GAREM1: variants seen among roughly 807,000 people sequenced by gnomAD.
GAREM1 encodes GRB2-associated and regulator of MAPK protein 1.
In GAREM1, 26 loss-of-function variants were observed where a neutral mutation model predicts 71.3. The ratio of observed to expected loss-of-function variants is 0.36; its 90% CI spans 0.27 to 0.51. The LOEUF (loss-of-function observed/expected upper bound fraction) is 0.51, where lower values mean the gene tolerates loss of function less well. Among genes scored for constraint, GAREM1 ranks in the 20% least tolerant of loss-of-function variants. The probability of loss-of-function intolerance (pLI) is 0.95; values close to 1 mark genes in which losing one functional copy is unlikely to be tolerated. For synonymous variants in GAREM1, 440 were observed against 433.2 expected (o/e 1.02, Z -0.20); for missense variants, 1,026 against 1,103.1 (o/e 0.93, Z 0.99).
At chr18:32,363,771 A>C (rs2047889652) in intron 2 of GAREM1, among the ~76,000 whole-genome samples, 1 of 151,684 alleles carries the variant, frequency 6.6e-6, no homozygotes, top group African/African-American at 2.4e-5. Flanking sequence ...GTAAAAGGAA[A>C]GGTTATTTTG....
chr18:32,283,479 G>A (rs1040723726), intron 4 of GAREM1, among the ~76,000 whole-genome samples: 11 of 152,052 alleles, frequency 7.2e-5, no homozygotes, highest in Non-Finnish European at 1.2e-4. Flanking sequence ...CCCGGGAGAC[G>A]GAGGTTGCAG....
intron 2 of GAREM1, among the ~76,000 whole-genome samples, chr18:32,350,084 A>C (rs2047732890): frequency 6.6e-6 from 1 of 152,218 alleles, no homozygotes; most frequent in Non-Finnish European, 1.5e-5. Context: ...TTAAAAGAAA[A>C]GGAACACTTT....
At chr18:32,419,758 C>G (rs369964486) in intron 1 of GAREM1, among the ~76,000 whole-genome samples, 2 of 152,142 alleles carry the variant, frequency 1.3e-5, no homozygotes, top group East Asian at 1.9e-4. Context: ...GGAGCCATTT[C>G]AGAATTCTGC....
intron 2 of GAREM1, among the ~76,000 whole-genome samples, chr18:32,344,419 G>A (rs563026912): frequency 3.0e-4 from 45 of 152,244 alleles, no homozygotes; most frequent in African/African-American, 1.0e-3. Context: ...GTGGACAACT[G>A]GGACATGTAA....
chr18:32,324,227 T>C (rs1325053986), intron 2 of GAREM1, among the ~76,000 whole-genome samples: 1 of 152,222 alleles, frequency 6.6e-6, no homozygotes, highest in East Asian at 1.9e-4. Flanking sequence ...CTACGCCTTA[T>C]GGAAGTATTT....
At chr18:32,330,525 A>C (rs2047521990) in intron 2 of GAREM1, among the ~76,000 whole-genome samples, 1 of 152,194 alleles carries the variant, frequency 6.6e-6, no homozygotes, top group East Asian at 1.9e-4. Flanking sequence ...AATGATTAAA[A>C]AAAGAATAGA....
rs143393429 is a variant in GAREM1 at position 32,392,981 on chromosome 18, C to A, written c.176G>T (p.Arg59Leu). 2.5e-6 allele frequency: 4 copies of A among 1,613,630 alleles called. No homozygotes were observed. Among genetic ancestry groups the A allele is most frequent in the African/African-American group, 1.3e-5 (1 of 74,856 alleles). The stretch of plus-strand genomic sequence containing the variant: ...GTGGGCAGTGATGGTGGTCCACTGG[C>A]GGCAGGAATGAATCAGCAGATAGTC... ...ENDYLLIHSC[R>L]QWTTITAHSL... Residue 59 changes from arginine (R) to leucine (L), a missense_variant, in exon 2 of 6, where the codon CGC becomes CTC. Physicochemically the swap from Arg to Leu is moderately radical, Grantham distance 102. Around this residue, in one of 3 missense-constraint regions of GAREM1, gnomAD observed 172 missense variants for 175.2 expected, o/e 0.98. Coordinates refer to ENST00000269209, the MANE Select transcript of GAREM1 (RefSeq NM_001242409.2).
intron 4 of GAREM1, among the ~76,000 whole-genome samples, chr18:32,270,897 GTTTT>G (rs58914123): frequency 4.3e-5 from 4 of 92,614 alleles, no homozygotes; most frequent in African/African-American, 1.7e-4. Flanking sequence ...GTTCAGGGAT[GTTTT>G]TTTTTTTTTT....
intron 2 of GAREM1, among the ~76,000 whole-genome samples, chr18:32,380,066 C>T (rs1025599649): frequency 6.6e-6 from 1 of 152,294 alleles, no homozygotes; most frequent in African/African-American, 2.4e-5. Context: ...TGAATTTTTC[C>T]GCCATGACAC....
chr18:32,456,405 C>T (rs193185651), intron 1 of GAREM1, among the ~76,000 whole-genome samples: 11 of 152,150 alleles, frequency 7.2e-5, no homozygotes, highest in African/African-American at 2.4e-4. Context: ...ATATCGATTA[C>T]GCTGGTGAAT....
At chr18:32,399,972 G>A (rs1247713982) in intron 1 of GAREM1, among the ~76,000 whole-genome samples, 1 of 152,102 alleles carries the variant, frequency 6.6e-6, no homozygotes, top group African/African-American at 2.4e-5. Context: ...TACCAAAACA[G>A]AGATATAGAC....
chr18:32,460,235 CAT>C (rs1422872746), intron 1 of GAREM1, among the ~76,000 whole-genome samples: 1 of 152,036 alleles, frequency 6.6e-6, no homozygotes, highest in Non-Finnish European at 1.5e-5. Flanking sequence ...AAGCACTGCT[CAT>C]AGAGGGTTAC....
chr18:32,463,662 C>T (rs1314680509), intron 1 of GAREM1, among the ~76,000 whole-genome samples: 1 of 151,290 alleles, frequency 6.6e-6, no homozygotes, highest in Non-Finnish European at 1.5e-5. Flanking sequence ...CTCCACCTCC[C>T]GGGTTCAAGC....
intron 1 of GAREM1, among the ~76,000 whole-genome samples, chr18:32,422,866 T>C (rs2048532975): frequency 1.3e-5 from 2 of 152,196 alleles, no homozygotes; most frequent in Admixed American, 1.3e-4. Flanking sequence ...AAAGGTCAAG[T>C]GCTTTCCTTT....
At chr18:32,396,305 T>C (rs1476168188) in intron 1 of GAREM1, among the ~76,000 whole-genome samples, 2 of 152,068 alleles carry the variant, frequency 1.3e-5, no homozygotes, top group Non-Finnish European at 2.9e-5. Context: ...GGAACAAAGG[T>C]GGACGAAGAA....
chr18:32,314,789 A>G (rs1338711461), intron 2 of GAREM1, among the ~76,000 whole-genome samples: 10 of 151,866 alleles, frequency 6.6e-5, no homozygotes, highest in African/African-American at 1.7e-4. Context: ...GGGTTTCACC[A>G]TGTTGGTCAG....
intron 1 of GAREM1, among the ~76,000 whole-genome samples, chr18:32,410,111 G>C (rs2048402399): frequency 2.0e-5 from 3 of 152,166 alleles, no homozygotes; most frequent in South Asian, 4.1e-4. Flanking sequence ...ACAAAAGACA[G>C]AGAAAGTAAA....
intron 1 of GAREM1, among the ~76,000 whole-genome samples, chr18:32,395,464 G>A (rs1482540547): frequency 6.6e-6 from 1 of 152,180 alleles, no homozygotes; most frequent in Non-Finnish European, 1.5e-5. Flanking sequence ...GGGAAGTAAT[G>A]GGTAAGAAGA....
chr18:32,367,351 C>T (rs1422153258), intron 2 of GAREM1, among the ~76,000 whole-genome samples: 1 of 152,196 alleles, frequency 6.6e-6, no homozygotes, highest in Admixed American at 6.5e-5. Context: ...TAACAGCCTG[C>T]TTTTCCTCCT....
Sources: allele counts gnomAD v4.1 joint callset (sites outside exome capture counted in the v4.1 genomes callset), GRCh38; gene constraint gnomAD v4.1.1; regional missense constraint gnomAD v4.1.1; transcripts MANE v1.5; gene names NCBI Gene and HGNC (gene_info 2026-07-23, HGNC 2026-07-21).